Variants in BDNF observed in about 807,000 individuals in gnomAD.
BDNF encodes the protein brain derived neurotrophic factor, also known as neurotrophic factor BDNF precursor form.
BDNF carries 1 observed loss-of-function variant against 19.5 expected under a neutral mutation model. The ratio of observed to expected loss-of-function variants is 0.05; its 90% CI spans 0.02 to 0.24. The LOEUF (loss-of-function observed/expected upper bound fraction) is 0.24. BDNF is among the 10% of genes least tolerant of loss of function. The pLI is 1.00. For synonymous variants in BDNF, 100 were observed against 121.6 expected, an observed-to-expected ratio of 0.82 and a Z score of 1.17; for missense variants, 195 against 317.6, an observed-to-expected ratio of 0.61 and a Z score of 2.93.
intron 1 of BDNF, chr11:27,660,236 T>C (rs1590227657): frequency 8.0e-7 from 1 of 1,242,476 alleles, no homozygotes; most frequent in African/African-American, 1.6e-5. Flanking sequence ...TTGTAAGAAA[T>C]AACATTTTCA....
intron 1 of BDNF, among the ~76,000 whole-genome samples, chr11:27,710,095 G>T (rs979011061): frequency 6.6e-6 from 1 of 151,910 alleles, no homozygotes; most frequent in Non-Finnish European, 1.5e-5. Context: ...TTTTTTGCTA[G>T]GCTGCTTTCA....
At chr11:27,701,523 A>T, upstream of BDNF, 2 of 988,272 alleles carry the variant, frequency 2.0e-6, no homozygotes, top group Non-Finnish European at 2.4e-6. Context: ...CTCGCACCCC[A>T]TCAGCGAGAA....
At chr11:27,690,331 T>C (rs1157808907) in intron 1 of BDNF, among the ~76,000 whole-genome samples, 1 of 152,100 alleles carries the variant, frequency 6.6e-6, no homozygotes, top group Non-Finnish European at 1.5e-5. Flanking sequence ...TCTGTCTTGC[T>C]TGGGAGTAAA....
intron 1 of BDNF, among the ~76,000 whole-genome samples, chr11:27,705,876 C>A (rs1046274196): frequency 1.3e-5 from 2 of 152,222 alleles, no homozygotes; most frequent in Non-Finnish European, 2.9e-5. Flanking sequence ...TGGGCTGATA[C>A]AGGCAGATGC....
upstream of BDNF, chr11:27,701,443 A>G: frequency 7.7e-6 from 8 of 1,032,734 alleles, no homozygotes; most frequent in Non-Finnish European, 9.3e-6. Context: ...GGTGCCCGGT[A>G]TGTACTCCTT....
upstream of BDNF, among the ~76,000 whole-genome samples, chr11:27,702,974 T>C (rs1308132784): frequency 3.3e-5 from 5 of 152,216 alleles, no homozygotes; most frequent in Non-Finnish European, 7.3e-5. Context: ...CCTTTGCAAA[T>C]TGTTGGACTA....
chr11:27,699,491 C>T (rs1225117683), intron 1 of BDNF: 9 of 1,613,662 alleles, frequency 5.6e-6, no homozygotes, highest in Non-Finnish European at 6.8e-6. Flanking sequence ...CCCTGGAGGG[C>T]GCTTCAGAAG....
At chr11:27,659,391 AT>A in intron 1 of BDNF, 1 of 1,000,370 alleles carries the variant, frequency 1.0e-6, no homozygotes, top group Non-Finnish European at 1.2e-6. Context: ...TGACATGTTC[AT>A]TTTAATGATG....
chr11:27,695,812 G>C (rs1203647714), intron 1 of BDNF, among the ~76,000 whole-genome samples: 1 of 151,324 alleles, frequency 6.6e-6, no homozygotes, highest in Non-Finnish European at 1.5e-5. Context: ...AGGGCAATGA[G>C]CCACTTCTTA....
In BDNF at chr11:27,689,813, C is replaced by T. The variant is rs141229488; in HGVS notation, c.-22+10351G>A. Among the ~76,000 whole-genome samples, 258 of 152,174 alleles carry T rather than the reference C, an allele frequency of 1.7e-3. 1 individual carries two copies. Among genetic ancestry groups the T allele is most frequent in the African/African-American group, 5.9e-3 (244 of 41,524 alleles). ...TTTGCTGCACCTATCAACCCATCAC[C>T]TAGGTATTAAGGCTCGCATGCATTA... is the stretch of plus-strand genomic sequence containing the variant. On this transcript the variant is annotated intron_variant, in intron 1 of 1. Transcript: ENST00000356660.
upstream of BDNF, chr11:27,700,535 C>T (rs1284860554): frequency 1.4e-5 from 9 of 658,178 alleles, no homozygotes; most frequent in South Asian, 7.3e-5. Flanking sequence ...CCCCCCCCCG[C>T]CCCCCGCCCC....
chr11:27,699,234 C>G, intron 1 of BDNF: 1 of 1,157,808 alleles, frequency 8.6e-7, no homozygotes, highest in Non-Finnish European at 1.3e-6. Flanking sequence ...ACCCCCAACA[C>G]ACAAACACTG....
At position 27,658,819 on chromosome 11, in the gene BDNF, C is replaced by T. The variant is rs1590219937; in HGVS notation, c.-21-234G>A. 1.4e-6 allele frequency: 2 copies of T among 1,406,290 alleles called. No homozygotes were observed. The highest frequency in any genetic ancestry group is 1.9e-6 in the Non-Finnish European group (2 of 1,075,822). 87.1% of individuals were successfully genotyped at this position (1,406,290 alleles called of 1,614,324 possible). ...TTTCCCCCAAGATCTAGCATATAAA[C>T]CTGAGATTAGATGGCTTCTAAGCAA... On this transcript the variant is annotated intron_variant, in intron 1 of 1. Coordinates refer to ENST00000356660, the MANE Select transcript of BDNF (RefSeq NM_001709.5). This position sits in a 1 kb window ranked among gnomAD's most constrained non-coding sequence, Gnocchi z 5.7.
At chr11:27,714,809 CTCTTTTG>C (rs1398202255) in intron 1 of BDNF, among the ~76,000 whole-genome samples, 1 of 152,072 alleles carries the variant, frequency 6.6e-6, no homozygotes, top group Non-Finnish European at 1.5e-5. Context: ...CTGAGAACAT[CTCTTTTG>C]TTTTATGTGT....
rs1317807000 is a variant in BDNF at position 27,700,287 on chromosome 11, G to A, written c.-145C>T. ...TGCTCCCCGCCGGCCCCACAGCAGC[G>A]GTGGGTGTCTCATTAAAGCCCCCCG... On this transcript the variant is annotated 5_prime_UTR_variant, in exon 1 of 2. Coordinates refer to ENST00000356660, the MANE Select transcript of BDNF (RefSeq NM_001709.5). The A allele has an allele frequency of 5.1e-6, 5 of 984,916 alleles. No individual in the cohort carries two copies. Among genetic ancestry groups the A allele is most frequent in the Non-Finnish European group, 6.0e-6 (5 of 829,878 alleles). The allele number at this position is 984,916 out of a possible 1,614,324, so 61.0% of individuals were successfully genotyped here.
chr11:27,694,915 A>T (rs1326876958), intron 1 of BDNF, among the ~76,000 whole-genome samples: 1 of 152,218 alleles, frequency 6.6e-6, no homozygotes, highest in Non-Finnish European at 1.5e-5. Flanking sequence ...GTACATATCC[A>T]TGAAAATAAT....
chr11:27,696,853 C>T (rs1859063992), intron 1 of BDNF, among the ~76,000 whole-genome samples: 1 of 152,162 alleles, frequency 6.6e-6, no homozygotes, highest in African/African-American at 2.4e-5. Flanking sequence ...TTATGGGCAC[C>T]TGAAATGGGA....
intron 1 of BDNF, among the ~76,000 whole-genome samples, chr11:27,688,813 A>C (rs1857851998): frequency 2.6e-5 from 4 of 152,294 alleles, no homozygotes; most frequent in Middle Eastern, 3.4e-3. Flanking sequence ...CACCTTCTGC[A>C]TTGATCTCTC....
intron 1 of BDNF, among the ~76,000 whole-genome samples, chr11:27,688,839 G>A (rs1249297340): frequency 6.6e-6 from 1 of 152,196 alleles, no homozygotes; most frequent in Non-Finnish European, 1.5e-5. Context: ...GCTGCAGACT[G>A]CAGCTGTTCC....
Sources: allele counts gnomAD v4.1 joint callset (sites outside exome capture counted in the v4.1 genomes callset), GRCh38; gene constraint gnomAD v4.1.1; non-coding constraint Gnocchi (gnomAD v3.1); transcripts MANE v1.5; gene names NCBI Gene and HGNC (gene_info 2026-07-23, HGNC 2026-07-21).